The following TCIRG1 variants were observed in gnomAD, a reference collection of about 807,000 sequenced individuals.
The protein encoded by TCIRG1 is V-type proton ATPase 116 kDa subunit a 3.
TCIRG1 carries 86 observed loss-of-function variants against 95.5 expected under a neutral mutation model. The ratio of observed to expected loss-of-function variants is 0.90; its 90% CI spans 0.76 to 1.08. The LOEUF is 1.08. Among genes scored for constraint, TCIRG1 ranks in the 50% least tolerant of loss-of-function variants. The pLI, the probability that TCIRG1 is intolerant of heterozygous loss-of-function variation, is 0.00. For missense variants in TCIRG1, 1,069 were observed against 1,140.2 expected, an observed-to-expected ratio of 0.94 and a Z score of 0.90; for synonymous variants, 499 against 501.3, an observed-to-expected ratio of 1.00 and a Z score of 0.06.
At chr11:68,048,156 G>A (rs1855606356) in intron 13 of TCIRG1, 184 bp downstream of exon 13, 2 of 678,036 alleles carry the variant, frequency 2.9e-6, no homozygotes, top group Non-Finnish European at 5.3e-6. Context: ...TCCCCTGAGT[G>A]TGCGGAGGCA....
Position 68,042,570 on chromosome 11 carries a change from T to G in TCIRG1, c.197-73T>G, listed in dbSNP as rs1855220203. On this transcript the variant is annotated intron_variant, in intron 3 of 19. Transcript: ENST00000265686. ...CCAGCAGCTGGTGGCCGATGGAGTTTGGGGCAGCAGGTGGGGCCCTCAACT... is the reference window on the plus strand; with the variant it reads ...CCAGCAGCTGGTGGCCGATGGAGTTGGGGGCAGCAGGTGGGGCCCTCAACT... 3.2e-6 allele frequency: 4 copies of G among 1,265,996 alleles called. 1 individual carries two copies. The South Asian group carries it at 3.9e-5, about 12-fold the overall frequency. The allele number at this position is 1,265,996 out of a possible 1,614,324, so 78.4% of individuals were successfully genotyped here.
intron 8 of TCIRG1, 39 bp downstream of exon 8, chr11:68,043,946 T>C (rs1354417738): frequency 1.3e-6 from 2 of 1,485,638 alleles, no homozygotes; most frequent in African/African-American, 1.4e-5. Context: ...GTGTAGGAGG[T>C]GGGTGCCCCC....
Position 68,042,965 on chromosome 11 carries a change from A to G in TCIRG1, c.437A>G (p.Asp146Gly). ...TCCTAGCTGGCAGCCGCCCACACAG[A>G]TGGGGCCTCAGAGAGGACGCCCCTG... Reference protein sequence around the residue: ...HEPQLAAAHTDGASERTPLLQ... With the variant: ...HEPQLAAAHTGGASERTPLLQ... The change falls in exon 5 of 20, where the codon GAT (aspartate) becomes GGT (glycine). Residue 146 changes from aspartate (D) to glycine (G), a missense_variant. Coordinates refer to ENST00000265686, the MANE Select transcript of TCIRG1 (RefSeq NM_006019.4). 2 of 1,555,068 alleles carry G rather than the reference A, an allele frequency of 1.3e-6. No homozygotes were observed. The highest frequency in any genetic ancestry group is 1.7e-6 in the Non-Finnish European group (2 of 1,149,366).
In TCIRG1 at chr11:68,044,185, G is replaced by A; in HGVS notation, c.861G>A (p.Gln287=). 6.4e-7 allele frequency: 1 copy of A among 1,556,030 alleles called. No homozygotes were observed. Among genetic ancestry groups the A allele is most frequent in the Non-Finnish European group, 8.7e-7 (1 of 1,150,282 alleles). ...GCCAGGTGCTAGGCCGGGTGCTGCAGCTGCTGCCGCCAGGGCAGGTGCAGG... is the reference window on the plus strand; with the variant it reads ...GCCAGGTGCTAGGCCGGGTGCTGCAACTGCTGCCGCCAGGGCAGGTGCAGG... The part of the protein sequence containing the change: ...FLSQVLGRVL[Q]LLPPGQVQVH... Residue 287 remains glutamine, a synonymous_variant, in exon 9 of 20, where the codon CAG becomes CAA. Transcript: ENST00000265686.
chr11:68,043,803 C>A lies in TCIRG1; in HGVS notation c.714-11C>A, dbSNP rs370019546. 6.4e-7 allele frequency: 1 copy of A among 1,558,222 alleles called. No individual in the cohort carries two copies. The highest frequency in any genetic ancestry group is 8.7e-7 in the Non-Finnish European group (1 of 1,151,000). On this transcript the variant is annotated splice_polypyrimidine_tract_variant and intron_variant, in intron 7 of 19. Transcript: ENST00000265686. ...CCTTCTGGCCCCTCACGCAGCGCAT[C>A]CTCCCTCCAGCTTCCACTGCCACGT...
In TCIRG1 at chr11:68,047,581, C is replaced by T. The variant is rs369478607; in HGVS notation, c.1305+9C>T. 1.5e-5 allele frequency: 24 copies of T among 1,612,436 alleles called. No individual in the cohort carries two copies. The highest frequency in any genetic ancestry group is 4.5e-5 in the East Asian group (2 of 44,728). On this transcript the variant is annotated intron_variant, in intron 11 of 19. Transcript: ENST00000265686. ...AGGCCGCGCAGAACGAGGTGAGGGG[C>T]GGGGCTGGGGTCCTGATGAGGGTAG...
chr11:68,043,806 C>G lies in TCIRG1; in HGVS notation c.714-8C>G. Reference sequence around the variant, plus strand: ...TCTGGCCCCTCACGCAGCGCATCCTCCCTCCAGCTTCCACTGCCACGTCTT... The same window carrying G: ...TCTGGCCCCTCACGCAGCGCATCCTGCCTCCAGCTTCCACTGCCACGTCTT... On this transcript the variant is annotated splice_region_variant and splice_polypyrimidine_tract_variant and intron_variant, in intron 7 of 19. Transcript: ENST00000265686. 6.4e-7 allele frequency: 1 copy of G among 1,559,216 alleles called. No individual in the cohort carries two copies. Among genetic ancestry groups the G allele is most frequent in the East Asian group, 2.4e-5 (1 of 41,762 alleles).
Position 68,041,851 on chromosome 11 carries a change from A to G in TCIRG1, c.196+20A>G. The stretch of plus-strand genomic sequence containing the variant: ...CCTTCAGTGAGTTGGTCCCAGGCCT[A>G]CATTCCAGGCAGGCTTCCTGGAGGA... On this transcript the variant is annotated intron_variant, in intron 3 of 19. Transcript: ENST00000265686. 1.9e-6 allele frequency: 3 copies of G among 1,591,636 alleles called. No individual in the cohort carries two copies. Among genetic ancestry groups the G allele is most frequent in the Non-Finnish European group, 1.7e-6 (2 of 1,167,532 alleles).
chr11:68,048,749 T>G, intron 13 of TCIRG1, 130 bp from the exon 14 acceptor site: 1 of 797,318 alleles, frequency 1.3e-6, no homozygotes. Context: ...CCTCGGTGGG[T>G]GGGTGATGGA....
rs190476700 is a variant in TCIRG1 at position 68,043,093 on chromosome 11, G to A, written c.503+62G>A. ...CCCAGAACCCCTGGCCAGTCGCTGG[G>A]CTGGGCCAGGCTGAGCTCCGACTCC... On this transcript the variant is annotated intron_variant, in intron 5 of 19. Coordinates refer to ENST00000265686, the MANE Select transcript of TCIRG1 (RefSeq NM_006019.4). 197 of 1,547,778 alleles carry A rather than the reference G, an allele frequency of 1.3e-4. 1 individual carries two copies. In the East Asian group the frequency reaches 4.3e-3, roughly 33 times the overall value.
intron 19 of TCIRG1, 36 bp downstream of exon 19, chr11:68,050,700 C>T (rs562771139): frequency 3.0e-5 from 49 of 1,613,760 alleles, no homozygotes; most frequent in South Asian, 1.3e-4. Flanking sequence ...CTGCTCAAGG[C>T]GTGAGTTCCC....
intron 1 of TCIRG1, 60 bp from the exon 2 acceptor site, chr11:68,041,208 C>G: frequency 9.0e-7 from 1 of 1,114,388 alleles, no homozygotes; most frequent in Non-Finnish European, 1.4e-6. Flanking sequence ...CACAGGTGCC[C>G]GTGGTTGGGA....
In TCIRG1 at chr11:68,043,008, G is replaced by A. The variant is rs1215965550; in HGVS notation, c.480G>A (p.Gly160=). The stretch of plus-strand genomic sequence containing the variant: ...CGCCCCTGCTCCAGGCCCCCGGGGG[G>A]CCGCACCAGGACCTGAGGGTCAAGT... ...ERTPLLQAPG[G]PHQDLRVNFV... Residue 160 remains glycine, a synonymous_variant, in exon 5 of 20, where the codon GGG becomes GGA. Coordinates refer to ENST00000265686, the MANE Select transcript of TCIRG1 (RefSeq NM_006019.4). 1.9e-6 allele frequency: 3 copies of A among 1,551,840 alleles called. No individual in the cohort carries two copies. Among genetic ancestry groups the A allele is most frequent in the Middle Eastern group, 1.8e-4 (1 of 5,702 alleles).
At chr11:68,047,357 C>T in intron 10 of TCIRG1, 76 bp from the exon 11 acceptor site, 2 of 1,552,912 alleles carry the variant, frequency 1.3e-6, no homozygotes, top group Non-Finnish European at 1.8e-6. Context: ...GCCAGCAGGG[C>T]CTCCGTGGCG....
chr11:68,043,363 G>A lies in TCIRG1; in HGVS notation c.504-8G>A, dbSNP rs759427889. The stretch of plus-strand genomic sequence containing the variant: ...TGGAGCAGCCCTGCCCAGCCCCGTG[G>A]CCGCCAGCTTTGTGGCAGGTGCCGT... On this transcript the variant is annotated splice_polypyrimidine_tract_variant and splice_region_variant and intron_variant, in intron 5 of 19. Coordinates refer to ENST00000265686, the MANE Select transcript of TCIRG1 (RefSeq NM_006019.4). 3.9e-6 allele frequency: 6 copies of A among 1,539,682 alleles called. No individual in the cohort carries two copies. In the South Asian group the frequency reaches 7.2e-5, roughly 18 times the overall value.
intron 1 of TCIRG1, 111 bp downstream of exon 1, chr11:68,039,230 G>T: frequency 6.6e-6 from 1 of 152,368 alleles, no homozygotes. Context: ...CGTGAATGCA[G>T]CTCAGCCCGC....
At chr11:68,050,396 C>G in intron 18 of TCIRG1, 91 bp from the exon 19 acceptor site, 1 of 1,609,064 alleles carries the variant, frequency 6.2e-7, no homozygotes, top group Non-Finnish European at 8.5e-7. Flanking sequence ...GCTGGCCCCC[C>G]GTGCAGGGAG....
chr11:68,045,195 G>C, intron 10 of TCIRG1, 93 bp downstream of exon 10: 2 of 1,501,682 alleles, frequency 1.3e-6, no homozygotes, highest in South Asian at 1.1e-5. Flanking sequence ...TCCATCCTGG[G>C]CCTGGCCTGC....
intron 5 of TCIRG1, 54 bp from the exon 6 acceptor site, chr11:68,043,317 G>C: frequency 1.3e-6 from 2 of 1,527,226 alleles, no homozygotes; most frequent in Non-Finnish European, 1.8e-6. Flanking sequence ...GGGGCCTGGT[G>C]GGGGAGGCAG....
Sources: gnomAD v4.1 joint callset for allele counts on GRCh38, gnomAD v4.1.1 for gene constraint, MANE v1.5 for transcripts, NCBI Gene and HGNC (gene_info 2026-07-23, HGNC 2026-07-21) for gene names.